The following RANBP2 variants were observed in gnomAD, a reference collection of about 807,000 sequenced individuals.
RANBP2 encodes the protein E3 SUMO-protein ligase RanBP2.
Under a neutral mutation model 303.6 loss-of-function variants are expected in RANBP2, and 57 were observed. The observed-to-expected ratio is 0.19, with a 90% CI of 0.15 to 0.23. RANBP2 has a LOEUF of 0.23. Ranked by LOEUF, RANBP2 falls within the 10% of genes least tolerant of loss-of-function variation. The pLI, the probability that RANBP2 is intolerant of heterozygous loss-of-function variation, is 1.00. For missense variants in RANBP2, 3,138 were observed against 3,780.8 expected, an observed-to-expected ratio of 0.83 and a Z score of 4.46; for synonymous variants, 1,167 against 1,301.5, an observed-to-expected ratio of 0.90 and a Z score of 2.23.
the RANBP2 span, among the ~76,000 whole-genome samples, chr2:108,847,905 AG>A: frequency 1.1e-4 from 16 of 152,204 alleles, no homozygotes; most frequent in Non-Finnish European, 1.5e-4. Flanking sequence ...ACAATAGACT[AG>A]GTGGTTAGTG....
chr2:109,449,580 T>A, the RANBP2 span: 1 of 1,464,928 alleles, frequency 6.8e-7, no homozygotes, highest in Non-Finnish European at 9.1e-7. Context: ...TTTGTGCAAT[T>A]GAAGCTAGAA....
At chr2:108,979,277 T>C in the RANBP2 span, among the ~76,000 whole-genome samples, 1 of 152,166 alleles carries the variant, frequency 6.6e-6, no homozygotes, top group South Asian at 2.1e-4. Flanking sequence ...GTCATCTGGT[T>C]GGAGAAGTTT....
chr2:109,259,244 G>A, the RANBP2 span, among the ~76,000 whole-genome samples: 40 of 152,204 alleles, frequency 2.6e-4, no homozygotes, highest in African/African-American at 9.6e-4. Context: ...TCCTGGCCCT[G>A]AGGAGCACCC....
the RANBP2 span, among the ~76,000 whole-genome samples, chr2:108,905,702 A>C: frequency 1.3e-5 from 2 of 152,212 alleles, no homozygotes; most frequent in African/African-American, 4.8e-5. Context: ...GGTTAATAAG[A>C]AGGTAATTTA....
At chr2:108,961,333 C>A in the RANBP2 span, among the ~76,000 whole-genome samples, 1 of 152,162 alleles carries the variant, frequency 6.6e-6, no homozygotes, top group Non-Finnish European at 1.5e-5. Context: ...CCCCCAGGAC[C>A]CACCAGTCTA....
the RANBP2 span, among the ~76,000 whole-genome samples, chr2:109,221,151 A>G: frequency 3.1e-3 from 468 of 152,340 alleles, 3 homozygotes; most frequent in African/African-American, 0.011. Flanking sequence ...TGAGGTGCAT[A>G]CAAGTCATGC....
chr2:109,648,963 C>T, the RANBP2 span, among the ~76,000 whole-genome samples: 1 of 152,090 alleles, frequency 6.6e-6, no homozygotes, highest in Non-Finnish European at 1.5e-5. Context: ...GGAGGATGGA[C>T]TGGTTGCGGG....
the RANBP2 span, chr2:109,398,899 A>T: frequency 6.2e-7 from 1 of 1,613,626 alleles, no homozygotes; most frequent in East Asian, 2.2e-5. Context: ...AGCCGCGGCC[A>T]GGATTGGAGA....
At chr2:109,068,398 G>A in the RANBP2 span, among the ~76,000 whole-genome samples, 3 of 152,240 alleles carry the variant, frequency 2.0e-5, no homozygotes, top group Middle Eastern at 3.4e-3. Flanking sequence ...TGAGAAACCC[G>A]CATCCAGACT....
the RANBP2 span, among the ~76,000 whole-genome samples, chr2:109,603,535 G>A: frequency 0.36 from 54,283 of 150,126 alleles, 11,332 homozygotes; most frequent in Middle Eastern, 0.57. Context: ...CACCGCGCCC[G>A]GCCTCATAAT....
chr2:109,443,725 A>G, the RANBP2 span, among the ~76,000 whole-genome samples: 1 of 152,238 alleles, frequency 6.6e-6, no homozygotes, highest in Non-Finnish European at 1.5e-5. Context: ...TTATACACCA[A>G]GTAACAGAAC....
the RANBP2 span, among the ~76,000 whole-genome samples, chr2:109,169,935 A>G: frequency 6.6e-6 from 1 of 152,174 alleles, no homozygotes; most frequent in African/African-American, 2.4e-5. Flanking sequence ...GAAGTATATG[A>G]GTTTTAAATC....
chr2:108,982,549 CA>C, the RANBP2 span, among the ~76,000 whole-genome samples: 1 of 152,242 alleles, frequency 6.6e-6, no homozygotes, highest in African/African-American at 2.4e-5. Context: ...TATTTGCCTT[CA>C]AAAGCAACAA....
chr2:108,798,587 G>A, the RANBP2 span: 1 of 1,596,560 alleles, frequency 6.3e-7, no homozygotes, highest in Non-Finnish European at 8.6e-7. Context: ...TATAAAAGAG[G>A]TAACTATATA....
the RANBP2 span, among the ~76,000 whole-genome samples, chr2:108,913,578 T>C: frequency 6.6e-6 from 1 of 151,824 alleles, no homozygotes; most frequent in Non-Finnish European, 1.5e-5. Flanking sequence ...TTTGGGATTG[T>C]TGTTCAGCAT....
chr2:109,629,704 G>A, the RANBP2 span, among the ~76,000 whole-genome samples: 1 of 151,724 alleles, frequency 6.6e-6, no homozygotes, highest in African/African-American at 2.4e-5. Context: ...CCAGCTACTC[G>A]GGAGGCTGAG....
chr2:109,187,593 C>T, the RANBP2 span, among the ~76,000 whole-genome samples: 1 of 152,178 alleles, frequency 6.6e-6, no homozygotes, highest in African/African-American at 2.4e-5. Context: ...GCTTTATAGG[C>T]TAGGAGCATA....
the RANBP2 span, among the ~76,000 whole-genome samples, chr2:109,675,990 G>A: frequency 2.0e-5 from 3 of 152,356 alleles, no homozygotes; most frequent in South Asian, 6.2e-4. Context: ...AGCCAGTGAG[G>A]AAGACTAGAT....
the RANBP2 span, chr2:109,371,829 G>T: frequency 1.4e-6 from 1 of 710,194 alleles, no homozygotes; most frequent in Middle Eastern, 4.0e-4. Context: ...CTATGTGTGG[G>T]CTTTGATTCA....
Sources: gnomAD v4.1 joint callset for allele counts (sites outside exome capture counted in the v4.1 genomes callset) on GRCh38, gnomAD v4.1.1 for gene constraint, MANE v1.5 for transcripts, NCBI Gene and HGNC (gene_info 2026-07-23, HGNC 2026-07-21) for gene names.